PRICKLE2: variants seen among roughly 807,000 people sequenced by gnomAD.
PRICKLE2 encodes prickle-like protein 2.
Under a neutral mutation model 81.4 loss-of-function variants are expected in PRICKLE2, and 21 were observed. The ratio of observed to expected loss-of-function variants is 0.26; its 90% CI spans 0.18 to 0.37. PRICKLE2 has a LOEUF of 0.37. PRICKLE2 is among the 10% of genes least tolerant of loss of function. The pLI is 1.00. For synonymous variants in PRICKLE2, 456 were observed against 421.5 expected (o/e 1.08, Z -1.00); for missense variants, 940 against 1,109.0 (o/e 0.85, Z 2.16).
At chr3:64,142,991 CA>C (rs1328670582) in intron 7 of PRICKLE2, among the ~76,000 whole-genome samples, 2 of 152,116 alleles carry the variant, frequency 1.3e-5, no homozygotes, top group East Asian at 3.9e-4. Context: ...ACTCCAGAAC[CA>C]GTAATCCTAA....
At chr3:64,244,321 A>G (rs1400609831) in intron 2 of PRICKLE2, among the ~76,000 whole-genome samples, 3 of 152,134 alleles carry the variant, frequency 2.0e-5, no homozygotes, top group Non-Finnish European at 4.4e-5. Flanking sequence ...ACATGCTCCA[A>G]TTTGTATACT....
chr3:64,260,243 G>T (rs1370120546), intron 2 of PRICKLE2, among the ~76,000 whole-genome samples: 1 of 152,114 alleles, frequency 6.6e-6, no homozygotes, highest in African/African-American at 2.4e-5. Flanking sequence ...ACACCACACT[G>T]AACGCACTAA....
chr3:64,268,148 G>A (rs2079741177), intron 2 of PRICKLE2: 1 of 152,328 alleles, frequency 6.6e-6, no homozygotes, highest in African/African-American at 2.4e-5. Flanking sequence ...AAATCGCTCA[G>A]GTCCTGGGGA....
chr3:64,197,079 A>G (rs971454529), intron 2 of PRICKLE2, among the ~76,000 whole-genome samples: 4 of 152,222 alleles, frequency 2.6e-5, no homozygotes, highest in Admixed American at 1.3e-4. Context: ...ATGAGTTTAT[A>G]TTAGTATCAC....
rs568961056 is a variant in PRICKLE2 at position 64,190,847 on chromosome 3, C to T, written c.144+7937G>A. Among the ~76,000 whole-genome samples the T allele has an allele frequency of 3.3e-5, 5 of 152,276 alleles. No individual in the cohort carries two copies. In the East Asian group the frequency reaches 7.7e-4, roughly 24 times the overall value. ...CTCCCTTTGCACTCTGAGAAGCCTA[C>T]AGAAAATTCCCCAAGGACTCATTCC... is the stretch of plus-strand genomic sequence containing the variant. On this transcript the variant is annotated intron_variant, in intron 2 of 7. Coordinates refer to ENST00000638394, the MANE Select transcript of PRICKLE2 (RefSeq NM_198859.4).
chr3:64,186,425 G>T (rs2078234006), intron 2 of PRICKLE2, among the ~76,000 whole-genome samples: 1 of 152,150 alleles, frequency 6.6e-6, no homozygotes, highest in Non-Finnish European at 1.5e-5. Flanking sequence ...TCGAAGCTTA[G>T]ACTCTCAAAC....
In PRICKLE2 at chr3:64,147,455, G is replaced by C. The variant is rs34084584; in HGVS notation, c.1035C>G (p.Gly345=). The C allele has an allele frequency of 2.5e-4, 411 of 1,614,248 alleles. No individual in the cohort carries two copies. The African/African-American group carries it at 4.7e-3, about 18-fold the overall frequency. Reference sequence around the variant, plus strand: ...GGTTCAGCATGGGCTCCTCCGTCTTGCCCTTGTTCTTGCCAATTTTGGCAC... The same window carrying C: ...GGTTCAGCATGGGCTCCTCCGTCTTCCCCTTGTTCTTGCCAATTTTGGCAC... ...RRSAKIGKNK[G]KTEEPMLNQH... The change falls in exon 7 of 8, where the codon GGC becomes GGG. Residue 345 remains glycine (G), a synonymous_variant. Transcript: ENST00000638394. The surrounding 1 kb of genome is among the most constrained non-coding windows in gnomAD (Gnocchi z 5.0).
chr3:64,228,773 G>A (rs1000015359), upstream of PRICKLE2, among the ~76,000 whole-genome samples: 3 of 152,170 alleles, frequency 2.0e-5, no homozygotes, highest in Admixed American at 6.5e-5. Flanking sequence ...GGACACTCTT[G>A]TCAGGAGACA....
intron 6 of PRICKLE2, among the ~76,000 whole-genome samples, chr3:64,150,588 C>G (rs557994295): frequency 1.3e-5 from 2 of 152,284 alleles, no homozygotes; most frequent in African/African-American, 4.8e-5. Flanking sequence ...GCCAAGAGTG[C>G]AGAGAGCTCA....
rs902873835 is a variant in PRICKLE2 at position 64,092,789 on chromosome 3, A to C, written c.*6262T>G. On this transcript the variant is annotated 3_prime_UTR_variant, in exon 8 of 8. Transcript: ENST00000638394. ...TTTCAAGAATTCTCAAGGAACAAAG[A>C]CACTAAGAAGGCAATGCATTGAAAC... 6.6e-6 allele frequency: 1 copy of C among 152,236 alleles called. No homozygotes were observed. Among genetic ancestry groups the C allele is most frequent in the Admixed American group, 6.5e-5 (1 of 15,290 alleles). The allele number at this position is 152,236 out of a possible 1,614,324, so 9.4% of individuals were successfully genotyped here.
chr3:64,159,967 G>A lies in PRICKLE2; in HGVS notation c.369C>T (p.Val123=), dbSNP rs1458439956. The A allele has an allele frequency of 5.6e-6, 9 of 1,614,022 alleles. No individual in the cohort carries two copies. The highest frequency in any genetic ancestry group is 5.5e-5 in the South Asian group (5 of 91,076). Reference sequence around the variant, plus strand: ...GTTCACAAATAGCTCCTGTCATGGTGACTGGGAAAGGCCTGACATTCCCGC... The same window carrying A: ...GTTCACAAATAGCTCCTGTCATGGTAACTGGGAAAGGCCTGACATTCCCGC... ...LGRGNVRPFP[V]TMTGAICEQC... is the part of the protein sequence containing the mutation. Residue 123 remains valine (V), a synonymous_variant, in exon 4 of 8, where the codon GTC becomes GTT. Transcript: ENST00000638394.
chr3:64,244,608 G>A (rs2079318081), intron 2 of PRICKLE2, among the ~76,000 whole-genome samples: 1 of 151,072 alleles, frequency 6.6e-6, no homozygotes, highest in African/African-American at 2.4e-5. Flanking sequence ...TGACTGGTGT[G>A]TGTGTGTGTG....
intron 7 of PRICKLE2, among the ~76,000 whole-genome samples, chr3:64,117,104 T>C (rs1486728025): frequency 6.6e-6 from 1 of 152,202 alleles, no homozygotes; most frequent in Admixed American, 6.5e-5. Flanking sequence ...GAAAACCATA[T>C]GATTATCACA....
intron 4 of PRICKLE2, 49 bp downstream of exon 4, chr3:64,159,890 TG>T (rs1204885269): frequency 1.2e-6 from 2 of 1,611,740 alleles, no homozygotes; most frequent in Non-Finnish European, 1.7e-6. Flanking sequence ...AATGAATGGG[TG>T]AAAAGATGCC....
At chr3:64,193,304 T>A (rs1047808620) in intron 2 of PRICKLE2, among the ~76,000 whole-genome samples, 1 of 152,168 alleles carries the variant, frequency 6.6e-6, no homozygotes, top group African/African-American at 2.4e-5. Flanking sequence ...CTGGTACTTT[T>A]TGGGATGCTT....
At chr3:64,153,543 C>T (rs978844589) in intron 5 of PRICKLE2, 175 bp from the exon 6 acceptor site, 11 of 617,314 alleles carry the variant, frequency 1.8e-5, no homozygotes, top group Non-Finnish European at 2.3e-5. Flanking sequence ...AGTTCCTATA[C>T]ATGGATTTAC....
intron 2 of PRICKLE2, among the ~76,000 whole-genome samples, chr3:64,253,498 A>T (rs1207339227): frequency 7.9e-5 from 12 of 152,218 alleles, no homozygotes; most frequent in Admixed American, 3.9e-4. Flanking sequence ...TGTCACATAC[A>T]TTAAAAGATT....
At chr3:64,142,314 T>C (rs902762189) in intron 7 of PRICKLE2, among the ~76,000 whole-genome samples, 1 of 41,810 alleles carries the variant, frequency 2.4e-5, no homozygotes, top group African/African-American at 9.4e-5. Flanking sequence ...TCTTTCTTTC[T>C]TTTTTTTTTT....
At chr3:64,258,267 C>T (rs1046291492) in intron 2 of PRICKLE2, among the ~76,000 whole-genome samples, 1 of 152,126 alleles carries the variant, frequency 6.6e-6, no homozygotes, top group Non-Finnish European at 1.5e-5. Flanking sequence ...AGGATATGTA[C>T]TAGAATGTCT....
Sources: gnomAD v4.1 joint callset for allele counts (sites outside exome capture counted in the v4.1 genomes callset) on GRCh38, gnomAD v4.1.1 for gene constraint, Gnocchi (gnomAD v3.1) non-coding constraint, MANE v1.5 for transcripts, NCBI Gene and HGNC (gene_info 2026-07-23, HGNC 2026-07-21) for gene names.